The following IMMP2L variants were observed in gnomAD, a reference collection of about 807,000 sequenced individuals.
The protein encoded by IMMP2L is mitochondrial inner membrane protease subunit 2.
A neutral mutation model predicts 19.3 loss-of-function variants in IMMP2L; 18 were observed. That is an observed-to-expected ratio of 0.93 (90% CI 0.64 to 1.38). The LOEUF (loss-of-function observed/expected upper bound fraction) is 1.38, where lower values mean the gene tolerates loss of function less well. Ranked by LOEUF, IMMP2L falls within the 40% of genes most tolerant of loss-of-function variation. The pLI, the probability that IMMP2L is intolerant of heterozygous loss-of-function variation, is 0.00. For synonymous variants in IMMP2L, 76 were observed against 73.0 expected (o/e 1.04, Z -0.21); for missense variants, 233 against 218.2 (o/e 1.07, Z -0.43).
At chr7:110,873,538 C>T (rs12705739) in intron 5 of IMMP2L, among the ~76,000 whole-genome samples, 50,116 of 145,186 alleles carry the variant, frequency 0.35, 9,993 homozygotes, top group East Asian at 0.65. Context: ...CTGAGGCGGG[C>T]GGATTACCTG....
At chr7:111,131,494 C>T (rs554571078) in intron 3 of IMMP2L, among the ~76,000 whole-genome samples, 20 of 152,076 alleles carry the variant, frequency 1.3e-4, no homozygotes, top group Non-Finnish European at 2.2e-4. Context: ...GAAACATTCA[C>T]TAAATTGTGA....
At chr7:111,207,533 GGTT>G (rs1810845627) in intron 3 of IMMP2L, among the ~76,000 whole-genome samples, 1 of 124,098 alleles carries the variant, frequency 8.1e-6, no homozygotes, top group African/African-American at 3.0e-5. Context: ...TTTTATTTTT[GGTT>G]TTTTTTTTTT....
chr7:110,688,662 A>T (rs1426688083), intron 5 of IMMP2L, among the ~76,000 whole-genome samples: 1 of 152,112 alleles, frequency 6.6e-6, no homozygotes, highest in Non-Finnish European at 1.5e-5. Context: ...ATAAATTATG[A>T]TGTATTCTAA....
chr7:111,416,620 C>T (rs1231553599), intron 3 of IMMP2L, among the ~76,000 whole-genome samples: 1 of 151,670 alleles, frequency 6.6e-6, no homozygotes, highest in African/African-American at 2.4e-5. Context: ...CATATTTTAG[C>T]CCATCATATA....
chr7:111,429,113 T>C (rs1179507749), intron 3 of IMMP2L, among the ~76,000 whole-genome samples: 1 of 151,846 alleles, frequency 6.6e-6, no homozygotes, highest in Admixed American at 6.6e-5. Context: ...GCAATCCTTT[T>C]TTCTTCTTTC....
At chr7:110,865,572 GAGAT>G (rs1299342929) in intron 5 of IMMP2L, among the ~76,000 whole-genome samples, 2 of 151,926 alleles carry the variant, frequency 1.3e-5, no homozygotes, top group African/African-American at 4.8e-5. Context: ...GGAGCTTCTA[GAGAT>G]AGATTAAATA....
At chr7:111,374,076 A>T (rs2131138409) in intron 3 of IMMP2L, among the ~76,000 whole-genome samples, 1 of 152,176 alleles carries the variant, frequency 6.6e-6, no homozygotes, top group Admixed American at 6.6e-5. Flanking sequence ...AAAAAAGCCA[A>T]GCCTTCATCA....
chr7:111,545,030 G>A (rs1344305745), intron 1 of IMMP2L, among the ~76,000 whole-genome samples: 1 of 151,992 alleles, frequency 6.6e-6, no homozygotes, highest in Non-Finnish European at 1.5e-5. Context: ...CAAAATATCT[G>A]CATCCAGAAG....
At chr7:111,214,331 CTTTTTTTTTTTTTTTTTT>C (rs1169450523) in intron 3 of IMMP2L, among the ~76,000 whole-genome samples, 1 of 82,194 alleles carries the variant, frequency 1.2e-5, no homozygotes, top group African/African-American at 5.3e-5. Context: ...AATTTTTCTT[CTTTTTTTTTTTTTTTTTT>C]TTTTTTTTTG....
chr7:110,984,950 G>A (rs753465569), intron 3 of IMMP2L, among the ~76,000 whole-genome samples: 2 of 152,006 alleles, frequency 1.3e-5, no homozygotes, highest in Non-Finnish European at 2.9e-5. Context: ...AATTATTCAG[G>A]TGGGCTCAAT....
At chr7:111,196,777 A>G (rs1471170302) in intron 3 of IMMP2L, among the ~76,000 whole-genome samples, 2 of 152,192 alleles carry the variant, frequency 1.3e-5, no homozygotes, top group Non-Finnish European at 2.9e-5. Flanking sequence ...TGTTGTTTAT[A>G]TATCCATATA....
At chr7:111,431,941 T>C (rs1010356090) in intron 3 of IMMP2L, among the ~76,000 whole-genome samples, 1 of 151,656 alleles carries the variant, frequency 6.6e-6, no homozygotes, top group Non-Finnish European at 1.5e-5. Context: ...AAAAAAAAAA[T>C]TGTATTCTTT....
chr7:111,322,110 T>C (rs1584617380), intron 3 of IMMP2L, among the ~76,000 whole-genome samples: 1 of 151,926 alleles, frequency 6.6e-6, no homozygotes, highest in South Asian at 2.1e-4. Context: ...CCAAGAGACA[T>C]CCCTACAGTA....
intron 3 of IMMP2L, among the ~76,000 whole-genome samples, chr7:111,141,454 T>G (rs537190110): frequency 1.8e-4 from 27 of 151,784 alleles, no homozygotes; most frequent in African/African-American, 6.6e-4. Context: ...TTTTTTTGTA[T>G]AATTTTGTAT....
chr7:110,776,288 G>A (rs1028175131), intron 5 of IMMP2L, among the ~76,000 whole-genome samples: 12 of 151,998 alleles, frequency 7.9e-5, no homozygotes, highest in Admixed American at 2.0e-4. Flanking sequence ...GTTAATTCGC[G>A]TAAGTAATGT....
At chr7:111,539,196 GAGAAAGAAAGAA>G (rs56749626) in intron 1 of IMMP2L, among the ~76,000 whole-genome samples, 3,856 of 29,652 alleles carry the variant, frequency 0.13, 518 homozygotes, top group South Asian at 0.16. Flanking sequence ...AGGAAGGAGG[GAGAAAGAAAGAA>G]AGAAAGAAAG....
chr7:111,346,598 TA>T (rs1827589513), intron 3 of IMMP2L, among the ~76,000 whole-genome samples: 1 of 152,138 alleles, frequency 6.6e-6, no homozygotes, highest in South Asian at 2.1e-4. Context: ...TATGGTATTT[TA>T]AAAGATCCCT....
chr7:110,769,525 A>G (rs917301423), intron 5 of IMMP2L, among the ~76,000 whole-genome samples: 1 of 152,100 alleles, frequency 6.6e-6, no homozygotes, highest in Non-Finnish European at 1.5e-5. Context: ...TACGCAGAGA[A>G]GAGAGGAAGT....
intron 1 of IMMP2L, among the ~76,000 whole-genome samples, chr7:111,548,937 A>G (rs1208920152): frequency 6.6e-6 from 1 of 152,144 alleles, no homozygotes; most frequent in African/African-American, 2.4e-5. Flanking sequence ...ATGTGGCAAC[A>G]TAATTTATGC....
Sources: allele counts gnomAD v4.1 joint callset (sites outside exome capture counted in the v4.1 genomes callset), GRCh38; gene constraint gnomAD v4.1.1; transcripts MANE v1.5; gene names NCBI Gene and HGNC (gene_info 2026-07-23, HGNC 2026-07-21).